The following NKAIN3 variants were observed in gnomAD, a reference collection of about 807,000 sequenced individuals.
NKAIN3 encodes sodium/potassium-transporting ATPase subunit beta-1-interacting protein 3.
NKAIN3 carries 25 observed loss-of-function variants against 30.2 expected under a neutral mutation model. The ratio of observed to expected loss-of-function variants is 0.83; its 90% CI spans 0.60 to 1.16. The LOEUF is 1.16. NKAIN3 is among the 50% of genes most tolerant of loss of function. NKAIN3 has a pLI of 0.00. For synonymous variants in NKAIN3, 91 were observed against 89.6 expected, an observed-to-expected ratio of 1.02 and a Z score of -0.09; for missense variants, 225 against 254.1, an observed-to-expected ratio of 0.89 and a Z score of 0.78.
intron 3 of NKAIN3, among the ~76,000 whole-genome samples, chr8:62,714,885 T>C (rs1009019016): frequency 2.0e-5 from 3 of 152,180 alleles, no homozygotes; most frequent in Non-Finnish European, 4.4e-5. Flanking sequence ...CCTCCAACAT[T>C]AAGGTCATTA....
At chr8:62,424,430 G>A (rs1468213737) in intron 1 of NKAIN3, among the ~76,000 whole-genome samples, 1 of 143,686 alleles carries the variant, frequency 7.0e-6, no homozygotes, top group Non-Finnish European at 1.5e-5. Flanking sequence ...AATCTACAAG[G>A]AACTCATACA....
intron 1 of NKAIN3, 89 bp downstream of exon 1, chr8:62,249,216 C>A: frequency 1.7e-6 from 2 of 1,158,424 alleles, no homozygotes; most frequent in Non-Finnish European, 2.4e-6. Flanking sequence ...CAGCTCCCGG[C>A]AAGGGGCGAA....
At chr8:62,957,187 G>T (rs1482576341) in intron 6 of NKAIN3, among the ~76,000 whole-genome samples, 1 of 151,902 alleles carries the variant, frequency 6.6e-6, no homozygotes, top group African/African-American at 2.4e-5. Context: ...AGTGGGGAGT[G>T]CAGTGGCACT....
chr8:62,830,333 A>T (rs918973983), intron 4 of NKAIN3, among the ~76,000 whole-genome samples: 3 of 152,164 alleles, frequency 2.0e-5, no homozygotes, highest in African/African-American at 7.2e-5. Flanking sequence ...AAAAATCCAG[A>T]CTTTTCCCTT....
chr8:62,433,765 A>G (rs1805088620), intron 1 of NKAIN3, among the ~76,000 whole-genome samples: 1 of 152,174 alleles, frequency 6.6e-6, no homozygotes, highest in African/African-American at 2.4e-5. Flanking sequence ...ATTTAAATTA[A>G]TTGGATTAAG....
At chr8:62,767,901 T>A (rs1220044217) in intron 4 of NKAIN3, among the ~76,000 whole-genome samples, 1 of 152,020 alleles carries the variant, frequency 6.6e-6, no homozygotes, top group Non-Finnish European at 1.5e-5. Flanking sequence ...ATATTGATTA[T>A]ATATCTTAAA....
intron 1 of NKAIN3, among the ~76,000 whole-genome samples, chr8:62,296,906 G>A (rs1813848700): frequency 6.6e-6 from 1 of 151,900 alleles, no homozygotes; most frequent in African/African-American, 2.4e-5. Flanking sequence ...TTCTACTTCT[G>A]GTGCTTGTCT....
intron 4 of NKAIN3, among the ~76,000 whole-genome samples, chr8:62,869,029 G>T (rs1310319910): frequency 6.6e-6 from 1 of 152,170 alleles, no homozygotes; most frequent in Non-Finnish European, 1.5e-5. Flanking sequence ...CCTGATAATC[G>T]CAACTACGCA....
chr8:62,671,995 G>T (rs1272179103), intron 3 of NKAIN3, among the ~76,000 whole-genome samples: 1 of 152,170 alleles, frequency 6.6e-6, no homozygotes, highest in East Asian at 1.9e-4. Flanking sequence ...TTGCTGGGAT[G>T]TGCTGATTGA....
chr8:62,670,628 C>T (rs956899300), intron 3 of NKAIN3, among the ~76,000 whole-genome samples: 3 of 152,008 alleles, frequency 2.0e-5, no homozygotes, highest in Admixed American at 6.6e-5. Flanking sequence ...GCCTTTTCAC[C>T]ATTGCATATG....
intron 5 of NKAIN3, among the ~76,000 whole-genome samples, chr8:62,945,397 C>A (rs1441376089): frequency 6.6e-6 from 1 of 152,162 alleles, no homozygotes; most frequent in Non-Finnish European, 1.5e-5. Flanking sequence ...AAGCCAGCTA[C>A]CTTTTTATTA....
At chr8:62,654,561 G>A (rs1812713660) in intron 3 of NKAIN3, among the ~76,000 whole-genome samples, 1 of 152,164 alleles carries the variant, frequency 6.6e-6, no homozygotes, top group Non-Finnish European at 1.5e-5. Flanking sequence ...AAATTAGAAT[G>A]ACTTTATTGA....
At chr8:62,544,754 C>A (rs1808954994) in intron 1 of NKAIN3, among the ~76,000 whole-genome samples, 2 of 152,034 alleles carry the variant, frequency 1.3e-5, no homozygotes. Context: ...GGCACTGATT[C>A]CCCTTGCAGC....
rs116622015 is a variant in NKAIN3 at position 62,523,808 on chromosome 8, A to G, written c.55-55731A>G. Among the ~76,000 whole-genome samples, 326 of 152,190 alleles carry G rather than the reference A, an allele frequency of 2.1e-3. 1 individual carries two copies. The highest frequency in any genetic ancestry group is 7.4e-3 in the African/African-American group (306 of 41,548). ...GCAAGTGTGTATCGCGGGTACAGGT[A>G]CGTCAGCTCTCCTTTGGCGTGTACA... On this transcript the variant is annotated intron_variant, in intron 1 of 6. Transcript: ENST00000623646.
At chr8:62,784,362 A>G (rs1402554317) in intron 4 of NKAIN3, among the ~76,000 whole-genome samples, 2 of 152,038 alleles carry the variant, frequency 1.3e-5, no homozygotes, top group Non-Finnish European at 2.9e-5. Context: ...CAAAAGACCA[A>G]CAAAACTGAT....
At chr8:62,345,286 C>CATATACACATATATGTAT (rs1364116189) in intron 1 of NKAIN3, among the ~76,000 whole-genome samples, 72 of 146,952 alleles carry the variant, frequency 4.9e-4, no homozygotes, top group African/African-American at 1.7e-3. Context: ...TATACACGCA[C>CATATACACATATATGTAT]ATATACACAC....
chr8:62,251,359 C>G (rs937609332), intron 1 of NKAIN3, among the ~76,000 whole-genome samples: 6 of 151,862 alleles, frequency 4.0e-5, no homozygotes, highest in African/African-American at 1.5e-4. Flanking sequence ...TCTCTGTTGA[C>G]AAATGATAGC....
At chr8:62,271,778 A>G (rs997010178) in intron 1 of NKAIN3, among the ~76,000 whole-genome samples, 1 of 152,184 alleles carries the variant, frequency 6.6e-6, no homozygotes, top group Non-Finnish European at 1.5e-5. Context: ...AGCTCTAGTG[A>G]TTCTTCAAAG....
At chr8:62,726,284 T>C (rs1487245816) in intron 3 of NKAIN3, among the ~76,000 whole-genome samples, 1 of 152,052 alleles carries the variant, frequency 6.6e-6, no homozygotes, top group Non-Finnish European at 1.5e-5. Context: ...AACTTTTTCC[T>C]TACCAATTTG....
Sources: gnomAD v4.1 joint callset for allele counts (sites outside exome capture counted in the v4.1 genomes callset) on GRCh38, gnomAD v4.1.1 for gene constraint, MANE v1.5 for transcripts, NCBI Gene and HGNC (gene_info 2026-07-23, HGNC 2026-07-21) for gene names.